Variants in PRKACB observed in about 807,000 individuals in gnomAD.
PRKACB encodes the protein protein kinase cAMP-activated catalytic subunit beta.
PRKACB carries 16 observed loss-of-function variants against 51.4 expected under a neutral mutation model. That is an observed-to-expected ratio of 0.31 (90% confidence interval 0.21 to 0.47). The LOEUF is 0.47. Among genes scored for constraint, PRKACB ranks in the 20% least tolerant of loss-of-function variants. The probability of loss-of-function intolerance (pLI) is 1.00; values close to 1 mark genes in which losing one functional copy is unlikely to be tolerated. For synonymous variants in PRKACB, 147 were observed against 154.4 expected (o/e 0.95, Z 0.35); for missense variants, 309 against 464.5 (o/e 0.67, Z 3.08).
At chr1:84,207,318 A>G (rs1671487523) in intron 8 of PRKACB, among the ~76,000 whole-genome samples, 2 of 152,200 alleles carry the variant, frequency 1.3e-5, no homozygotes, top group Admixed American at 1.3e-4. Flanking sequence ...GGAACAGATT[A>G]GAGAGCCCAC....
intron 1 of PRKACB, among the ~76,000 whole-genome samples, chr1:84,079,711 G>T (rs1362452395): frequency 6.6e-6 from 1 of 152,114 alleles, no homozygotes; most frequent in Non-Finnish European, 1.5e-5. Flanking sequence ...TGTCGCCCAG[G>T]CTGGAGTGCA....
intron 1 of PRKACB, among the ~76,000 whole-genome samples, chr1:84,171,234 G>C (rs918454953): frequency 6.6e-6 from 1 of 151,456 alleles, no homozygotes; most frequent in Non-Finnish European, 1.5e-5. Context: ...AGACATTCAT[G>C]ATATAAGAAA....
In PRKACB at chr1:84,127,356, G is replaced by A. The variant is rs376709398; in HGVS notation, c.46+48985G>A. 3.9e-5 allele frequency among the ~76,000 whole-genome samples: 6 copies of A among 151,980 alleles called. No individual in the cohort carries two copies. In the East Asian group the frequency reaches 9.7e-4, roughly 24 times the overall value. Reference sequence around the variant, plus strand: ...CCCTGCTCCTTAAAATTACCTATACGACATTGAGCTAAAGCATTTCTTTGT... The same window carrying A: ...CCCTGCTCCTTAAAATTACCTATACAACATTGAGCTAAAGCATTTCTTTGT... On this transcript the variant is annotated intron_variant, in intron 1 of 8. Transcript: ENST00000370688.
At position 84,235,486 on chromosome 1, in the gene PRKACB, C is replaced by T. The variant is rs961975003; in HGVS notation, c.*181C>T. ...TGCATCCACCTATGTAACAAGGCACCGCTAAGCAAGCATTGTCTGTGCCAT... is the reference window on the plus strand; with the variant it reads ...TGCATCCACCTATGTAACAAGGCACTGCTAAGCAAGCATTGTCTGTGCCAT... On this transcript the variant is annotated 3_prime_UTR_variant, in exon 10 of 10. Transcript: ENST00000370685. 3.7e-5 allele frequency: 26 copies of T among 698,982 alleles called. No individual in the cohort carries two copies. Among genetic ancestry groups the T allele is most frequent in the African/African-American group, 1.3e-4 (7 of 55,344 alleles). 43.3% of individuals were successfully genotyped at this position (698,982 alleles called of 1,614,324 possible). A position where few individuals can be genotyped will look rare whatever the true frequency, so the allele number is the denominator to read the frequency against.
chr1:84,130,310 G>T (rs1279871412), intron 1 of PRKACB, among the ~76,000 whole-genome samples: 1 of 151,786 alleles, frequency 6.6e-6, no homozygotes, highest in Non-Finnish European at 1.5e-5. Context: ...TTGTTTTCTG[G>T]TCCTGCTTTG....
chr1:84,229,191 T>C (rs1675165435), intron 9 of PRKACB, among the ~76,000 whole-genome samples: 6 of 146,676 alleles, frequency 4.1e-5, no homozygotes, highest in African/African-American at 1.5e-4. Flanking sequence ...GTTTGGTTTT[T>C]TGTTCTTGCG....
At chr1:84,233,951 T>C (rs1267560775) in intron 9 of PRKACB, among the ~76,000 whole-genome samples, 9 of 152,128 alleles carry the variant, frequency 5.9e-5, no homozygotes, top group Non-Finnish European at 1.3e-4. Flanking sequence ...GTTCCGTTGC[T>C]GGTGAGGAAC....
chr1:84,171,014 C>G, intron 1 of PRKACB, among the ~76,000 whole-genome samples: 1 of 151,402 alleles, frequency 6.6e-6, no homozygotes, highest in East Asian at 1.9e-4. Context: ...TTCTTAATTA[C>G]TTAACTACCA....
chr1:84,168,484 A>G (rs1165629974), intron 1 of PRKACB, among the ~76,000 whole-genome samples: 1 of 151,532 alleles, frequency 6.6e-6, no homozygotes, highest in Non-Finnish European at 1.5e-5. Context: ...TCTGAAGAAG[A>G]AGGCATGAAT....
rs370275437 is a variant in PRKACB, at chr1:84,217,490, T to G, written c.1071+3173T>G. Among the ~76,000 whole-genome samples, 196 of 152,234 alleles carry G rather than the reference T, an allele frequency of 1.3e-3. 1 individual carries two copies. The highest frequency in any genetic ancestry group is 4.5e-3 in the African/African-American group (189 of 41,550). On this transcript the variant is annotated intron_variant, in intron 9 of 9. Coordinates refer to ENST00000370685, the MANE Select transcript of PRKACB (RefSeq NM_182948.4). ...ATTACATCTGAGTGACTTACTGCCA[T>G]ATTATACAATTGTTTTAAAACAGGC...
At chr1:84,201,223 T>C (rs1044204037) in intron 7 of PRKACB, among the ~76,000 whole-genome samples, 1 of 152,114 alleles carries the variant, frequency 6.6e-6, no homozygotes, top group Non-Finnish European at 1.5e-5. Flanking sequence ...GGTATACTCA[T>C]TTTTAAAATA....
intron 1 of PRKACB, among the ~76,000 whole-genome samples, chr1:84,090,225 T>C (rs6703653): frequency 0.6 from 91,802 of 151,948 alleles, 29,124 homozygotes; most frequent in Non-Finnish European, 0.72. Context: ...TCATTCTAAG[T>C]CATGATATTA....
chr1:84,171,610 A>T (rs1353299802), intron 1 of PRKACB, among the ~76,000 whole-genome samples: 2 of 151,642 alleles, frequency 1.3e-5, no homozygotes, highest in African/African-American at 4.8e-5. Flanking sequence ...AAAATTAGAT[A>T]CATTTTCTCT....
rs558540044 is a variant in PRKACB, at chr1:84,088,528, G to A, written c.46+10157G>A. Reference sequence around the variant, plus strand: ...GCCACAAACTTGAGAGAACATGTTGGTATAGATATTACTTCTTTTACAGGG... The same window carrying A: ...GCCACAAACTTGAGAGAACATGTTGATATAGATATTACTTCTTTTACAGGG... On this transcript the variant is annotated intron_variant, in intron 1 of 8. Coordinates refer to the PRKACB transcript ENST00000370688. Among the ~76,000 whole-genome samples the A allele has an allele frequency of 1.2e-3, 180 of 152,268 alleles. 4 individuals carry two copies. Among genetic ancestry groups the A allele is most frequent in the Middle Eastern group, 6.8e-3 (2 of 294 alleles).
chr1:84,114,005 G>C (rs1170793647), intron 1 of PRKACB, among the ~76,000 whole-genome samples: 2 of 152,042 alleles, frequency 1.3e-5, no homozygotes, highest in Non-Finnish European at 2.9e-5. Context: ...CAAGAAAACT[G>C]TTAAAATGAT....
At chr1:84,111,517 C>T (rs1242522949) in intron 1 of PRKACB, among the ~76,000 whole-genome samples, 1 of 151,764 alleles carries the variant, frequency 6.6e-6, no homozygotes, top group Non-Finnish European at 1.5e-5. Flanking sequence ...ATAATCCTTC[C>T]ATTATTTGAT....
intron 9 of PRKACB, among the ~76,000 whole-genome samples, chr1:84,217,083 A>G (rs768201245): frequency 2.0e-5 from 3 of 152,196 alleles, no homozygotes; most frequent in Non-Finnish European, 4.4e-5. Context: ...ATGATCATGA[A>G]CAAACGATTT....
intron 8 of PRKACB, chr1:84,204,848 T>C: frequency 1.0e-6 from 1 of 983,486 alleles, no homozygotes; most frequent in Non-Finnish European, 1.2e-6. Flanking sequence ...AATTAATGTG[T>C]CTTCATTTTT....
At chr1:84,121,814 C>T (rs1436221000) in intron 1 of PRKACB, among the ~76,000 whole-genome samples, 1 of 152,014 alleles carries the variant, frequency 6.6e-6, no homozygotes, top group East Asian at 1.9e-4. Context: ...GAAGCCCTCT[C>T]CTCTGGCTGG....
Sources: allele counts gnomAD v4.1 joint callset (sites outside exome capture counted in the v4.1 genomes callset), GRCh38; gene constraint gnomAD v4.1.1; transcripts MANE v1.5; gene names NCBI Gene and HGNC (gene_info 2026-07-23, HGNC 2026-07-21).